Variants in WWOX observed in about 807,000 individuals in gnomAD.
The protein encoded by WWOX is WW domain containing oxidoreductase.
Under a neutral mutation model 46.2 loss-of-function variants are expected in WWOX, and 69 were observed. The ratio of observed to expected loss-of-function variants is 1.49; its 90% CI spans 1.23 to 1.82. WWOX has a LOEUF of 1.82. Among genes scored for constraint, WWOX ranks in the 40% most tolerant of loss-of-function variants. The pLI is 0.00. For synonymous variants in WWOX, 359 were observed against 202.6 expected, an observed-to-expected ratio of 1.77 and a Z score of -6.56; for missense variants, 919 against 542.6, an observed-to-expected ratio of 1.69 and a Z score of -6.89.
intron 8 of WWOX, among the ~76,000 whole-genome samples, chr16:78,632,526 C>G (rs4888821): frequency 0.091 from 13,507 of 147,632 alleles, 745 homozygotes; most frequent in African/African-American, 0.15. Flanking sequence ...CCTCATACCA[C>G]AGACACTCTC....
In WWOX at chr16:78,902,176, T is replaced by A. The variant is rs1249462519; in HGVS notation, c.1057-309432T>A. On this transcript the variant is annotated intron_variant, in intron 8 of 8. Transcript: ENST00000566780. ...TTTTCTTCTGGAGAATCGGGCAGCC[T>A]GCAGCTGATCCGGTGGTGTCTGAAA... Among the ~76,000 whole-genome samples the A allele has an allele frequency of 3.3e-5, 5 of 152,300 alleles. No individual in the cohort carries two copies. In the East Asian group the frequency reaches 9.7e-4, roughly 29 times the overall value.
chr16:78,693,269 T>G (rs1380111688), intron 8 of WWOX, among the ~76,000 whole-genome samples: 1 of 152,218 alleles, frequency 6.6e-6, no homozygotes, highest in African/African-American at 2.4e-5. Context: ...TCTAGAGGTC[T>G]AGCCTACAAA....
In WWOX at chr16:78,342,968, A is replaced by G. The variant is rs1283933504; in HGVS notation, c.517-43892A>G. On this transcript the variant is annotated intron_variant, in intron 5 of 8. Transcript: ENST00000566780. ...ACCTTGGGATAGGCCCTTGCAGATG[A>G]CAATAAAGGTATTTTGGCACATAAA... is the stretch of plus-strand genomic sequence containing the variant. Among the ~76,000 whole-genome samples, 5 of 120,966 alleles carry G rather than the reference A, an allele frequency of 4.1e-5. 1 individual carries two copies. Among genetic ancestry groups the G allele is most frequent in the Middle Eastern group, 7.5e-3 (2 of 268 alleles). 79.4% of individuals were successfully genotyped at this position (120,966 alleles called of 152,430 possible). A position where few individuals can be genotyped will look rare whatever the true frequency, so the allele number is the denominator to read the frequency against.
chr16:78,706,966 A>C (rs2048340447), intron 8 of WWOX, among the ~76,000 whole-genome samples: 1 of 152,140 alleles, frequency 6.6e-6, no homozygotes, highest in African/African-American at 2.4e-5. Context: ...CCTGGCACAA[A>C]CTGCCTTTGG....
chr16:78,142,329 T>A (rs780023254), intron 4 of WWOX, among the ~76,000 whole-genome samples: 14 of 152,230 alleles, frequency 9.2e-5, no homozygotes, highest in Non-Finnish European at 2.1e-4. Flanking sequence ...GTTGGTTTAC[T>A]TAAAACAAAA....
intron 8 of WWOX, among the ~76,000 whole-genome samples, chr16:78,917,397 C>T (rs1005032598): frequency 6.6e-6 from 1 of 152,136 alleles, no homozygotes; most frequent in African/African-American, 2.4e-5. Context: ...CAGCCTTAGT[C>T]AGTGGGAGCC....
intron 8 of WWOX, among the ~76,000 whole-genome samples, chr16:78,728,544 C>G (rs146141530): frequency 8.1e-4 from 123 of 152,150 alleles, no homozygotes; most frequent in Non-Finnish European, 1.2e-3. Flanking sequence ...TGAAAAACTC[C>G]GCTGTCTAGT....
intron 8 of WWOX, among the ~76,000 whole-genome samples, chr16:79,105,118 C>T (rs1290505285): frequency 2.0e-5 from 3 of 152,140 alleles, no homozygotes; most frequent in Non-Finnish European, 2.9e-5. Context: ...TGCTGGGGGT[C>T]TTTGGGTGGG....
At chr16:78,923,786 T>C (rs970340726) in intron 8 of WWOX, among the ~76,000 whole-genome samples, 1 of 142,842 alleles carries the variant, frequency 7.0e-6, no homozygotes, top group Non-Finnish European at 1.5e-5. Context: ...AGGAACTGTT[T>C]TTAGTTAGTT....
intron 8 of WWOX, among the ~76,000 whole-genome samples, chr16:78,621,553 A>AATG (rs1310843578): frequency 7.0e-6 from 1 of 143,214 alleles, no homozygotes; most frequent in Admixed American, 7.1e-5. Flanking sequence ...CAGTATATTC[A>AATG]ATGATTCACT....
chr16:78,815,394 C>G (rs1460486598), intron 8 of WWOX, among the ~76,000 whole-genome samples: 1 of 152,076 alleles, frequency 6.6e-6, no homozygotes, highest in African/African-American at 2.4e-5. Context: ...CCTGCTGTTA[C>G]TAACTGGAGT....
intron 8 of WWOX, among the ~76,000 whole-genome samples, chr16:79,136,333 C>A (rs191029124): frequency 6.6e-6 from 1 of 151,926 alleles, no homozygotes; most frequent in African/African-American, 2.4e-5. Flanking sequence ...CTGGTTCAAG[C>A]GATTCTCCTG....
chr16:78,167,727 A>G lies in WWOX; in HGVS notation c.516+3438A>G, dbSNP rs745616753. On this transcript the variant is annotated intron_variant, in intron 5 of 8. Transcript: ENST00000566780. ...GAAGCTGTAGTTACCATTTCATTCC[A>G]TTGCACCATTCATACCCTGCAGAGA... The G allele has an allele frequency of 5.9e-5, 9 of 152,166 alleles. No individual in the cohort carries two copies. In the East Asian group the frequency reaches 7.7e-4, roughly 13 times the overall value. 9.4% of individuals were successfully genotyped at this position (152,166 alleles called of 1,614,324 possible).
In WWOX at chr16:78,338,938, C is replaced by G. The variant is rs1229274113; in HGVS notation, c.517-47922C>G. ...GCATCAACTTCTTCTTCATTTCTAA[C>G]TCATTTAGTGAATTCAGTTGGTCTT... On this transcript the variant is annotated intron_variant, in intron 5 of 8. Transcript: ENST00000566780. 6.6e-5 allele frequency among the ~76,000 whole-genome samples: 8 copies of G among 120,820 alleles called. 2 individuals are homozygous for G. The highest frequency in any genetic ancestry group is 1.6e-4 in the Non-Finnish European group (8 of 50,642). The allele number at this position is 120,820 out of a possible 152,430, so 79.3% of individuals were successfully genotyped here. A position where few individuals can be genotyped will look rare whatever the true frequency, so the allele number is the denominator to read the frequency against.
At chr16:78,718,554 C>T (rs980595303) in intron 8 of WWOX, among the ~76,000 whole-genome samples, 1 of 151,896 alleles carries the variant, frequency 6.6e-6, no homozygotes, top group Non-Finnish European at 1.5e-5. Flanking sequence ...AAAATTAATA[C>T]ACTGAGCCAA....
chr16:78,159,672 GTTTTTTT>G (rs35468343), intron 4 of WWOX, among the ~76,000 whole-genome samples: 2,715 of 55,596 alleles, frequency 0.049, 117 homozygotes, highest in African/African-American at 0.17. Context: ...AAAATCTGTG[GTTTTTTT>G]TTTTTTTTTT....
intron 5 of WWOX, among the ~76,000 whole-genome samples, chr16:78,355,269 G>C (rs1483721285): frequency 6.6e-6 from 1 of 150,444 alleles, no homozygotes; most frequent in African/African-American, 2.5e-5. Flanking sequence ...TAAAAAAAAA[G>C]TATGTATACA....
At chr16:78,590,488 TG>T (rs1347808878) in intron 8 of WWOX, among the ~76,000 whole-genome samples, 1 of 152,176 alleles carries the variant, frequency 6.6e-6, no homozygotes, top group Non-Finnish European at 1.5e-5. Flanking sequence ...TTTTCCCAGT[TG>T]GGGAAGAGGG....
rs528390890 is a variant in WWOX, at chr16:78,520,123, G to A, written c.1056+87371G>A. 1.3e-3 allele frequency among the ~76,000 whole-genome samples: 202 copies of A among 152,304 alleles called. 2 individuals are homozygous for A. The highest frequency in any genetic ancestry group is 4.5e-3 in the African/African-American group (185 of 41,568). On this transcript the variant is annotated intron_variant, in intron 8 of 8. Transcript: ENST00000566780. ...TCCCATCCCGGCCACAGATAGTGAT[G>A]CAATAACATCCTTGTTCGCATGTCC...
Sources: allele counts gnomAD v4.1 joint callset (sites outside exome capture counted in the v4.1 genomes callset), GRCh38; gene constraint gnomAD v4.1.1; transcripts MANE v1.5; gene names NCBI Gene and HGNC (gene_info 2026-07-23, HGNC 2026-07-21).